The following GABRG3 variants were observed in gnomAD, a reference collection of about 807,000 sequenced individuals.
GABRG3 encodes gamma-aminobutyric acid receptor subunit gamma-3.
In GABRG3, 25 loss-of-function variants were observed where a neutral mutation model predicts 48.8. The ratio of observed to expected loss-of-function variants is 0.51; its 90% CI spans 0.37 to 0.72. The LOEUF (loss-of-function observed/expected upper bound fraction) is 0.72, where lower values mean the gene tolerates loss of function less well. Ranked by LOEUF, GABRG3 falls within the 30% of genes least tolerant of loss-of-function variation. The pLI, the probability that GABRG3 is intolerant of heterozygous loss-of-function variation, is 0.00. For missense variants in GABRG3, 394 were observed against 577.9 expected (o/e 0.68, Z 3.26); for synonymous variants, 227 against 217.6 (o/e 1.04, Z -0.38).
intron 5 of GABRG3, among the ~76,000 whole-genome samples, chr15:27,349,780 A>T (rs1004369881): frequency 2.6e-5 from 4 of 152,304 alleles, no homozygotes; most frequent in African/African-American, 9.6e-5. Context: ...GAGAGGCTTC[A>T]TAGAGCCTGT....
chr15:27,308,035 A>G (rs1160080812), intron 3 of GABRG3, among the ~76,000 whole-genome samples: 2 of 139,678 alleles, frequency 1.4e-5, no homozygotes, highest in Admixed American at 1.5e-4. Flanking sequence ...ACATGTTTAT[A>G]TGTAAATGTA....
intron 5 of GABRG3, among the ~76,000 whole-genome samples, chr15:27,338,347 C>G (rs1894047769): frequency 6.6e-6 from 1 of 152,092 alleles, no homozygotes; most frequent in South Asian, 2.1e-4. Context: ...CAGTGATGCC[C>G]CCCACCCCAG....
intron 2 of GABRG3, among the ~76,000 whole-genome samples, chr15:26,990,108 T>C (rs1895220178): frequency 6.6e-6 from 1 of 152,216 alleles, no homozygotes; most frequent in South Asian, 2.1e-4. Context: ...ATCTCTTCCA[T>C]ATACTAATTT....
At chr15:27,513,382 G>A (rs4778111) in intron 6 of GABRG3, among the ~76,000 whole-genome samples, 77,895 of 151,410 alleles carry the variant, frequency 0.51, 20,464 homozygotes, top group East Asian at 0.68. Flanking sequence ...CCTGGGAGGC[G>A]GAGCTTGCAG....
At chr15:26,985,723 A>G (rs1895139101) in intron 2 of GABRG3, among the ~76,000 whole-genome samples, 2 of 152,060 alleles carry the variant, frequency 1.3e-5, no homozygotes, top group South Asian at 4.1e-4. Context: ...GTTTTGAGAG[A>G]TTATGTTGGA....
rs1477245424 is a variant in GABRG3 at position 27,541,979 on chromosome 15, CAG to C, written c.*9100_*9101del. 1 of 152,334 alleles carries C rather than the reference CAG, an allele frequency of 6.6e-6. No individual in the cohort carries two copies. The highest frequency in any genetic ancestry group is 2.4e-5 in the African/African-American group (1 of 41,446). The allele number at this position is 152,334 out of a possible 1,614,324, so 9.4% of individuals were successfully genotyped here. A position where few individuals can be genotyped will look rare whatever the true frequency, so the allele number is the denominator to read the frequency against. On this transcript the variant is annotated 3_prime_UTR_variant, in exon 10 of 10. Transcript: ENST00000615808. Reference sequence around the variant, plus strand: ...TAATACAAATAAATGCACATGTTGTCAGAAATACCTGAGCTGGAAGTGGACGT... The same window carrying C: ...TAATACAAATAAATGCACATGTTGTCAAATACCTGAGCTGGAAGTGGACGT...
chr15:27,002,190 C>G (rs913605853), intron 2 of GABRG3, among the ~76,000 whole-genome samples: 2 of 152,142 alleles, frequency 1.3e-5, no homozygotes, highest in Admixed American at 1.3e-4. Context: ...CATTGTATAA[C>G]TGTAATACAA....
chr15:27,108,842 A>G (rs1595529621), intron 3 of GABRG3, among the ~76,000 whole-genome samples: 1 of 152,106 alleles, frequency 6.6e-6, no homozygotes, highest in African/African-American at 2.4e-5. Context: ...CATTTCTAAT[A>G]ATTTTTTTTG....
intron 5 of GABRG3, among the ~76,000 whole-genome samples, chr15:27,465,869 T>C (rs576435274): frequency 4.6e-5 from 7 of 151,216 alleles, no homozygotes; most frequent in Admixed American, 4.6e-4. Flanking sequence ...CCTTCTGATA[T>C]GTTCTTTTGT....
At chr15:27,017,367 T>TTGTG (rs1895799001) in intron 2 of GABRG3, among the ~76,000 whole-genome samples, 1 of 152,220 alleles carries the variant, frequency 6.6e-6, no homozygotes, top group Non-Finnish European at 1.5e-5. Flanking sequence ...TGATGCCTGT[T>TTGTG]TGTGGTACTG....
chr15:27,350,236 T>G (rs540720147), intron 5 of GABRG3: 4 of 455,014 alleles, frequency 8.8e-6, no homozygotes, highest in Admixed American at 7.1e-5. Context: ...CTTCCATTCG[T>G]GGGGAAATGA....
intron 3 of GABRG3, among the ~76,000 whole-genome samples, chr15:27,172,573 C>T (rs1466044852): frequency 1.3e-5 from 2 of 152,142 alleles, no homozygotes; most frequent in Admixed American, 1.3e-4. Flanking sequence ...ACTGGCTGTT[C>T]GGCACTCAGA....
At chr15:27,267,442 A>AT (rs34989689) in intron 3 of GABRG3, among the ~76,000 whole-genome samples, 3,087 of 144,948 alleles carry the variant, frequency 0.021, 93 homozygotes, top group East Asian at 0.062. Context: ...TAGCTCAAGG[A>AT]TTTTTTTTTT....
intron 3 of GABRG3, among the ~76,000 whole-genome samples, chr15:27,083,815 A>C (rs1369104997): frequency 6.6e-6 from 1 of 152,210 alleles, no homozygotes; most frequent in Non-Finnish European, 1.5e-5. Context: ...GGGTGTTTCA[A>C]ATACCCGTTA....
chr15:27,037,748 T>C (rs1413997476), intron 3 of GABRG3, among the ~76,000 whole-genome samples: 1 of 152,226 alleles, frequency 6.6e-6, no homozygotes, highest in African/African-American at 2.4e-5. Flanking sequence ...AGCTGTCTTA[T>C]CTGTGTTTTA....
rs951181982 is a variant in GABRG3 at position 26,979,988 on chromosome 15, A to T, written c.202+2838A>T. 5.3e-5 allele frequency among the ~76,000 whole-genome samples: 8 copies of T among 152,056 alleles called. No homozygotes were observed. The South Asian group carries it at 1.7e-3, about 32-fold the overall frequency. ...TGGGCCAGGAGATTTCTTTTCTGGGAGTTATTTCATTTCCTTAATAAGTCT... is the reference window on the plus strand; with the variant it reads ...TGGGCCAGGAGATTTCTTTTCTGGGTGTTATTTCATTTCCTTAATAAGTCT... On this transcript the variant is annotated intron_variant, in intron 2 of 9. Transcript: ENST00000615808.
rs1248309186 is a variant in GABRG3, at chr15:27,236,539, T to C, written c.271-90270T>C. On this transcript the variant is annotated intron_variant, in intron 3 of 9. Transcript: ENST00000615808. This position sits in a 1 kb window ranked among gnomAD's most constrained non-coding sequence, Gnocchi z 4.4. The stretch of plus-strand genomic sequence containing the variant: ...TGGAAAACAAGAAATGAACAACTTA[T>C]CCCTTTATCGCCCTTAGCCAGTCAC... Among the ~76,000 whole-genome samples the C allele has an allele frequency of 6.6e-6, 1 of 152,130 alleles. No homozygotes were observed. Among genetic ancestry groups the C allele is most frequent in the Non-Finnish European group, 1.5e-5 (1 of 68,020 alleles).
At chr15:27,103,228 A>G (rs1048158105) in intron 3 of GABRG3, among the ~76,000 whole-genome samples, 1 of 152,180 alleles carries the variant, frequency 6.6e-6, no homozygotes. Flanking sequence ...TGACGTATAC[A>G]TATTTTCCCT....
chr15:27,003,574 G>T (rs1895502896), intron 2 of GABRG3, among the ~76,000 whole-genome samples: 1 of 152,190 alleles, frequency 6.6e-6, no homozygotes, highest in African/African-American at 2.4e-5. Context: ...CAAGGCAGAA[G>T]AATTTTTCTT....
Sources: allele counts gnomAD v4.1 joint callset (sites outside exome capture counted in the v4.1 genomes callset), GRCh38; gene constraint gnomAD v4.1.1; non-coding constraint Gnocchi (gnomAD v3.1); transcripts MANE v1.5; gene names NCBI Gene and HGNC (gene_info 2026-07-23, HGNC 2026-07-21).